The following SPON1 variants were observed in gnomAD, a reference collection of about 807,000 sequenced individuals.
SPON1 encodes spondin 1, also known as spondin-1.
In SPON1, 52 loss-of-function variants were observed where a neutral mutation model predicts 111.7. The observed-to-expected ratio is 0.47, with a 90% CI of 0.37 to 0.59. The LOEUF (loss-of-function observed/expected upper bound fraction) is 0.59. Among genes scored for constraint, SPON1 ranks in the 20% least tolerant of loss-of-function variants. The pLI is 0.00. For missense variants in SPON1, 957 were observed against 1,068.5 expected (o/e 0.90, Z 1.46); for synonymous variants, 410 against 395.8 (o/e 1.04, Z -0.43).
At chr11:14,128,120 T>G (rs1260790539) in intron 5 of SPON1, among the ~76,000 whole-genome samples, 1 of 152,184 alleles carries the variant, frequency 6.6e-6, no homozygotes, top group Non-Finnish European at 1.5e-5. Context: ...CCAAATCTCA[T>G]GTCTTTCTCA....
At chr11:13,984,109 C>T (rs892261422) in intron 2 of SPON1, among the ~76,000 whole-genome samples, 4 of 152,186 alleles carry the variant, frequency 2.6e-5, no homozygotes, top group African/African-American at 9.7e-5. Context: ...ATACTAGCAA[C>T]AGCCAATATT....
intron 4 of SPON1, among the ~76,000 whole-genome samples, chr11:14,078,459 A>G (rs1017569056): frequency 1.3e-5 from 2 of 150,394 alleles, no homozygotes. Context: ...TAGGGAGGCA[A>G]TTTTTTTTTT....
Position 14,259,508 on chromosome 11 carries a change from G to A in SPON1, c.1664-26G>A, listed in dbSNP as rs1849148204. 1.3e-6 allele frequency: 2 copies of A among 1,564,664 alleles called. No individual in the cohort carries two copies. Among genetic ancestry groups the A allele is most frequent in the African/African-American group, 1.4e-5 (1 of 73,770 alleles). The stretch of plus-strand genomic sequence containing the variant: ...AGTAGGTCGGGGAGGCAGCAGGTGC[G>A]ACTCCAATGCCGCTGGCCTCCCCAG... On this transcript the variant is annotated intron_variant, in intron 12 of 15. Transcript: ENST00000576479. The surrounding 1 kb of genome is among the most constrained non-coding windows in gnomAD (Gnocchi z 5.0).
chr11:14,015,640 A>C (rs903469253), intron 2 of SPON1, among the ~76,000 whole-genome samples: 6 of 152,280 alleles, frequency 3.9e-5, no homozygotes, highest in Non-Finnish European at 7.3e-5. Context: ...GATATGTCAA[A>C]GATGTGGTTG....
chr11:14,084,048 A>T (rs1374282582), intron 5 of SPON1, among the ~76,000 whole-genome samples: 2 of 151,504 alleles, frequency 1.3e-5, no homozygotes, highest in African/African-American at 4.9e-5. Flanking sequence ...GTTCCCAATT[A>T]GTCACACAGA....
chr11:14,057,844 C>CAAAAAAAAACA (rs1277903384), intron 3 of SPON1, among the ~76,000 whole-genome samples: 2 of 125,460 alleles, frequency 1.6e-5, no homozygotes, highest in South Asian at 3.0e-4. Flanking sequence ...AAAAAAAAAA[C>CAAAAAAAAACA]AAAACAAAAA....
intron 6 of SPON1, among the ~76,000 whole-genome samples, chr11:14,218,331 G>A (rs1554937301): frequency 6.6e-6 from 1 of 152,084 alleles, no homozygotes. Flanking sequence ...TGAAATACCT[G>A]GTGAGAACTC....
At chr11:14,244,913 A>G (rs10734222) in intron 7 of SPON1, among the ~76,000 whole-genome samples, 115,339 of 152,162 alleles carry the variant, frequency 0.76, 43,857 homozygotes, top group Admixed American at 0.79. Context: ...TGCACCTCAT[A>G]CAGGCCACCC....
chr11:14,066,950 C>T (rs571362072), intron 3 of SPON1, among the ~76,000 whole-genome samples: 49 of 152,154 alleles, frequency 3.2e-4, no homozygotes, highest in South Asian at 8.3e-4. Flanking sequence ...CCTAGGCAAG[C>T]GGATCACTTG....
intron 6 of SPON1, among the ~76,000 whole-genome samples, chr11:14,181,887 A>T (rs1436731817): frequency 1.3e-5 from 2 of 152,158 alleles, no homozygotes; most frequent in Non-Finnish European, 2.9e-5. Flanking sequence ...AACGCCCATA[A>T]ATATTGTTTT....
At chr11:13,964,067 T>C (rs1028045595) in intron 1 of SPON1, among the ~76,000 whole-genome samples, 7 of 152,236 alleles carry the variant, frequency 4.6e-5, no homozygotes, top group African/African-American at 4.8e-5. Context: ...GGACAGGCAG[T>C]TCGACCAGCA....
chr11:13,964,972 T>C (rs1452688509), intron 1 of SPON1, among the ~76,000 whole-genome samples: 1 of 90,856 alleles, frequency 1.1e-5, no homozygotes, highest in Non-Finnish European at 2.2e-5. Flanking sequence ...TCTGCACCTA[T>C]TTCCTAGCTG....
chr11:13,985,678 T>C (rs1848177029), intron 2 of SPON1, among the ~76,000 whole-genome samples: 1 of 151,958 alleles, frequency 6.6e-6, no homozygotes, highest in African/African-American at 2.4e-5. Flanking sequence ...TTTTTCCCCT[T>C]AATTCTTGTA....
At chr11:14,144,826 C>T (rs1238835356) in intron 6 of SPON1, among the ~76,000 whole-genome samples, 1 of 151,976 alleles carries the variant, frequency 6.6e-6, no homozygotes, top group Non-Finnish European at 1.5e-5. Context: ...CAGCAAAGAC[C>T]TCTAATACTT....
chr11:14,044,827 C>A (rs1433591599), intron 3 of SPON1, among the ~76,000 whole-genome samples: 1 of 152,190 alleles, frequency 6.6e-6, no homozygotes, highest in Non-Finnish European at 1.5e-5. Flanking sequence ...AATGGTTTTT[C>A]ACTAAATAAG....
At chr11:13,978,249 A>G (rs562868402) in intron 1 of SPON1, among the ~76,000 whole-genome samples, 12 of 152,214 alleles carry the variant, frequency 7.9e-5, no homozygotes, top group African/African-American at 2.9e-4. Context: ...TTGCATTTCC[A>G]TATAAATTTT....
At chr11:14,052,936 G>A (rs527983514) in intron 3 of SPON1, among the ~76,000 whole-genome samples, 10 of 152,176 alleles carry the variant, frequency 6.6e-5, no homozygotes, top group African/African-American at 1.9e-4. Context: ...CACCAACATC[G>A]TGGGGATCCT....
At chr11:14,121,074 A>G (rs191610264) in intron 5 of SPON1, among the ~76,000 whole-genome samples, 1 of 152,364 alleles carries the variant, frequency 6.6e-6, no homozygotes, top group Admixed American at 6.5e-5. Flanking sequence ...CAGACTCAAA[A>G]GGCTACATAC....
rs1289212840 is a variant in SPON1 at position 14,135,538 on chromosome 11, C to T, written c.795C>T (p.Pro265=). ...AACAAGTTGCAGAATTGGGCTCACC[C>T]GTGAAAATGGAGGAAGAAATTCGAC... The part of the protein sequence containing the change: ...GVKQVAELGS[P]VKMEEEIRQQ... Residue 265 remains proline (P), a synonymous_variant, in exon 6 of 16, where the codon CCC becomes CCT. Coordinates refer to ENST00000576479, the MANE Select transcript of SPON1 (RefSeq NM_006108.4). The surrounding 1 kb of genome is among the most constrained non-coding windows in gnomAD (Gnocchi z 4.4). 44 of 1,613,140 alleles carry T rather than the reference C, an allele frequency of 2.7e-5. No individual in the cohort carries two copies. The East Asian group carries it at 5.8e-4, about 21-fold the overall frequency.
Sources: allele counts gnomAD v4.1 joint callset (sites outside exome capture counted in the v4.1 genomes callset), GRCh38; gene constraint gnomAD v4.1.1; non-coding constraint Gnocchi (gnomAD v3.1); transcripts MANE v1.5; gene names NCBI Gene and HGNC (gene_info 2026-07-23, HGNC 2026-07-21).